The following RNMT variants were observed in gnomAD, a reference collection of about 807,000 sequenced individuals.
The protein encoded by RNMT is mRNA cap guanine-N(7) methyltransferase.
RNMT carries 27 observed loss-of-function variants against 56.0 expected under a neutral mutation model. The observed-to-expected ratio is 0.48, with a 90% CI of 0.36 to 0.67. RNMT has a LOEUF of 0.67. RNMT is among the 30% of genes least tolerant of loss of function. RNMT has a pLI of 0.00. For synonymous variants in RNMT, 184 were observed against 176.2 expected (o/e 1.04, Z -0.35); for missense variants, 519 against 552.1 (o/e 0.94, Z 0.60).
At position 13,741,632 on chromosome 18, in the gene RNMT, TGA is replaced by T; in HGVS notation, c.920_921del (p.Arg307ThrfsTer2). The T allele has an allele frequency of 6.2e-7, 1 of 1,614,064 alleles. No individual in the cohort carries two copies. The highest frequency in any genetic ancestry group is 8.5e-7 in the Non-Finnish European group (1 of 1,179,942). ...QADMMLRNAC[E>X]RLSPGGYFIG... is the part of the protein sequence containing the mutation. ...CTGACATGATGCTGAGAAATGCGTGTGAGAGACTTAGCCCTGGGGGCTATTTT... is the reference window on the plus strand; with the variant it reads ...CTGACATGATGCTGAGAAATGCGTGTGAGACTTAGCCCTGGGGGCTATTTT... On this transcript the variant is annotated frameshift_variant, in exon 7 of 12. Transcript: ENST00000383314. LOFTEE classifies it high-confidence loss of function.
rs2044073043 is a variant in RNMT, at chr18:13,731,730, T to C, written c.213T>C (p.Ser71=). The change falls in exon 3 of 12, where the codon TCT becomes TCC. Residue 71 remains serine, a synonymous_variant. Coordinates refer to ENST00000383314, the MANE Select transcript of RNMT (RefSeq NM_003799.3). ...AAGATGATCTTGTAAAGGAAAGTTC[T>C]AGTTGTGGGAAAGACACTCCATCCA... ...EFEDDLVKES[S]SCGKDTPSKK... 4.3e-6 allele frequency: 7 copies of C among 1,613,314 alleles called. No individual in the cohort carries two copies. Among genetic ancestry groups the C allele is most frequent in the Non-Finnish European group, 5.9e-6 (7 of 1,179,848 alleles).
Position 13,731,457 on chromosome 18 carries a change from A to G in RNMT, c.-42-19A>G. On this transcript the variant is annotated intron_variant, in intron 2 of 11. Coordinates refer to ENST00000383314, the MANE Select transcript of RNMT (RefSeq NM_003799.3). ...AGTCTTAGTGTTTACAAGTAATACC[A>G]ATTTTTTTCCTATTCTAGTGTTGGT... 1 of 1,361,196 alleles carries G rather than the reference A, an allele frequency of 7.3e-7. No individual in the cohort carries two copies. Among genetic ancestry groups the G allele is most frequent in the Admixed American group, 2.3e-5 (1 of 43,920 alleles). The allele number at this position is 1,361,196 out of a possible 1,614,324, so 84.3% of individuals were successfully genotyped here. A position where few individuals can be genotyped will look rare whatever the true frequency, so the allele number is the denominator to read the frequency against.
chr18:13,742,375 A>T, intron 7 of RNMT, 113 bp from the exon 8 acceptor site: 1 of 920,122 alleles, frequency 1.1e-6, no homozygotes. Flanking sequence ...TATAATTAAA[A>T]GGCTAATCAA....
In RNMT at chr18:13,752,412, A is replaced by T; in HGVS notation, c.1344A>T (p.Gln448His). ...CAGCAAAGTACATGAAGAACAGTCA[A>T]GTAAGGTTACCTTTGGTAAGTTTTA... ...EHAAKYMKNS[Q>H]VRLPLGTLSK... Residue 448 changes from glutamine (Q) to histidine (H), a missense_variant, in exon 10 of 12, where the codon CAA becomes CAT. By Grantham distance (24) the Gln-to-His change is conservative. Coordinates refer to ENST00000383314, the MANE Select transcript of RNMT (RefSeq NM_003799.3). The T allele has an allele frequency of 6.2e-7, 1 of 1,605,574 alleles. No homozygotes were observed. The highest frequency in any genetic ancestry group is 8.5e-7 in the Non-Finnish European group (1 of 1,172,528).
intron 4 of RNMT, among the ~76,000 whole-genome samples, chr18:13,736,796 A>T (rs976484454): frequency 5.9e-5 from 9 of 152,160 alleles, no homozygotes; most frequent in Non-Finnish European, 1.2e-4. Context: ...TTTCCAAAAC[A>T]CCAGACACGT....
At chr18:13,751,246 A>G (rs1381272340) in intron 9 of RNMT, among the ~76,000 whole-genome samples, 2 of 152,218 alleles carry the variant, frequency 1.3e-5, no homozygotes, top group Non-Finnish European at 2.9e-5. Context: ...AATATCCATA[A>G]TCTACAAAGA....
At chr18:13,753,471 A>C (rs1370633418) in intron 10 of RNMT, among the ~76,000 whole-genome samples, 1 of 150,102 alleles carries the variant, frequency 6.7e-6, no homozygotes, top group Non-Finnish European at 1.5e-5. Flanking sequence ...TCTCAAAAAA[A>C]AGAAAGAATA....
chr18:13,754,091 C>CT (rs2044502653), intron 10 of RNMT, 23 bp from the exon 11 acceptor site: 2 of 1,419,746 alleles, frequency 1.4e-6, no homozygotes, highest in Non-Finnish European at 2.0e-6. Flanking sequence ...CTAAAATTTT[C>CT]TTTTTCTCTT....
chr18:13,739,001 A>G (rs2044210151), intron 5 of RNMT, among the ~76,000 whole-genome samples: 1 of 152,188 alleles, frequency 6.6e-6, no homozygotes, highest in Non-Finnish European at 1.5e-5. Flanking sequence ...GGTTCCTAAC[A>G]GGCCGTGGAC....
Position 13,761,922 on chromosome 18 carries a change from GA to G in RNMT, c.*1945del, listed in dbSNP as rs1162471979. 1 of 1,333,208 alleles carries G rather than the reference GA, an allele frequency of 7.5e-7. No individual in the cohort carries two copies. Among genetic ancestry groups the G allele is most frequent in the Admixed American group, 2.6e-5 (1 of 39,136 alleles). The allele number at this position is 1,333,208 out of a possible 1,614,324, so 82.6% of individuals were successfully genotyped here. ...TGGATATTGACTTAAGAACTGTTAG[GA>G]AGAGGACTAGAAAAGGCTTCCCCTG... is the stretch of plus-strand genomic sequence containing the variant. On this transcript the variant is annotated 3_prime_UTR_variant, in exon 12 of 12. Transcript: ENST00000383314.
intron 3 of RNMT, among the ~76,000 whole-genome samples, chr18:13,733,279 G>A (rs148660056): frequency 1.3e-5 from 2 of 152,126 alleles, no homozygotes; most frequent in East Asian, 1.9e-4. Context: ...GGATTTCTAG[G>A]GCCTCAGGAA....
chr18:13,740,147 A>C lies in RNMT; in HGVS notation c.680-20A>C, dbSNP rs1406894077. 3 of 1,424,616 alleles carry C rather than the reference A, an allele frequency of 2.1e-6. No individual in the cohort carries two copies. The highest frequency in any genetic ancestry group is 2.3e-5 in the South Asian group (2 of 86,428). 88.2% of individuals were successfully genotyped at this position (1,424,616 alleles called of 1,614,324 possible). A position where few individuals can be genotyped will look rare whatever the true frequency, so the allele number is the denominator to read the frequency against. ...TGGCATTCTGTGTTGATACTTACTA[A>C]TACCCTTCCATCCTTCCAGATATTG... is the stretch of plus-strand genomic sequence containing the variant. On this transcript the variant is annotated intron_variant, in intron 5 of 11. Coordinates refer to ENST00000383314, the MANE Select transcript of RNMT (RefSeq NM_003799.3).
At chr18:13,747,393 T>A (rs2044370095) in intron 9 of RNMT, among the ~76,000 whole-genome samples, 1 of 152,122 alleles carries the variant, frequency 6.6e-6, no homozygotes, top group African/African-American at 2.4e-5. Flanking sequence ...AGTTTTAAAC[T>A]TTTTGTGCTG....
chr18:13,737,479 G>T (rs906487608), intron 5 of RNMT, among the ~76,000 whole-genome samples: 9 of 151,936 alleles, frequency 5.9e-5, no homozygotes, highest in Non-Finnish European at 1.3e-4. Flanking sequence ...GGAGGTGAAG[G>T]TTATAGTAAG....
At chr18:13,744,310 C>A (rs1223412549) in intron 8 of RNMT, among the ~76,000 whole-genome samples, 1 of 151,316 alleles carries the variant, frequency 6.6e-6, no homozygotes, top group Non-Finnish European at 1.5e-5. Flanking sequence ...TTTTGAGATG[C>A]CTTTTTGCCA....
chr18:13,751,757 G>T (rs779672495), intron 9 of RNMT, among the ~76,000 whole-genome samples: 7 of 152,146 alleles, frequency 4.6e-5, no homozygotes, highest in Non-Finnish European at 8.8e-5. Flanking sequence ...AGAAAATGTG[G>T]CACATATACA....
At position 13,763,341 on chromosome 18, in the gene RNMT, G is replaced by C. The variant is rs185535579; in HGVS notation, c.*3362G>C. The C allele has an allele frequency of 2.9e-6, 1 of 339,640 alleles. No individual in the cohort carries two copies. Among genetic ancestry groups the C allele is most frequent in the East Asian group, 7.5e-5 (1 of 13,350 alleles). 21.0% of individuals were successfully genotyped at this position (339,640 alleles called of 1,614,324 possible). A position where few individuals can be genotyped will look rare whatever the true frequency, so the allele number is the denominator to read the frequency against. On this transcript the variant is annotated 3_prime_UTR_variant, in exon 12 of 12. Coordinates refer to ENST00000383314, the MANE Select transcript of RNMT (RefSeq NM_003799.3). ...CACTGTCAGTTCTTCCCTCCCTCTC[G>C]TGCTGCTCAGTTTGTCCTCTGCTCC... is the stretch of plus-strand genomic sequence containing the variant.
At chr18:13,732,731 G>C (rs2044092111) in intron 3 of RNMT, among the ~76,000 whole-genome samples, 1 of 139,312 alleles carries the variant, frequency 7.2e-6, no homozygotes, top group Non-Finnish European at 1.5e-5. Flanking sequence ...TGTAACAGAG[G>C]GGAGCCCCCC....
intron 8 of RNMT, among the ~76,000 whole-genome samples, chr18:13,744,704 A>T (rs1202340594): frequency 1.3e-5 from 2 of 152,166 alleles, no homozygotes; most frequent in African/African-American, 4.8e-5. Flanking sequence ...CTTACATAGA[A>T]ACCTCAGTGG....
Sources: gnomAD v4.1 joint callset for allele counts (sites outside exome capture counted in the v4.1 genomes callset) on GRCh38, gnomAD v4.1.1 for gene constraint, MANE v1.5 for transcripts, NCBI Gene and HGNC (gene_info 2026-07-23, HGNC 2026-07-21) for gene names.